PIK3CB: variants seen among roughly 807,000 people sequenced by gnomAD.
PIK3CB encodes the protein phosphatidylinositol-4,5-bisphosphate 3-kinase catalytic subunit beta.
A neutral mutation model predicts 136.8 loss-of-function variants in PIK3CB; 39 were observed. That is an observed-to-expected ratio of 0.29 (90% CI 0.22 to 0.37). The LOEUF (loss-of-function observed/expected upper bound fraction) is 0.37, where lower values mean the gene tolerates loss of function less well. PIK3CB is among the 10% of genes least tolerant of loss of function. The pLI is 1.00. For synonymous variants in PIK3CB, 428 were observed against 436.6 expected, an observed-to-expected ratio of 0.98 and a Z score of 0.25; for missense variants, 868 against 1,275.4, an observed-to-expected ratio of 0.68 and a Z score of 4.87.
intron 1 of PIK3CB, among the ~76,000 whole-genome samples, chr3:138,809,622 A>AG (rs1453591550): frequency 1.3e-4 from 20 of 151,566 alleles, no homozygotes; most frequent in Middle Eastern, 6.8e-3. Flanking sequence ...AAAAAAAAAA[A>AG]AAAGAAAATT....
chr3:138,821,716 G>A (rs1576432872), intron 1 of PIK3CB, among the ~76,000 whole-genome samples: 1 of 151,888 alleles, frequency 6.6e-6, no homozygotes, highest in East Asian at 1.9e-4. Flanking sequence ...ACCTGGGAGG[G>A]AGAGGTTGCA....
chr3:138,830,760 G>A (rs987478684), intron 1 of PIK3CB, among the ~76,000 whole-genome samples: 9 of 149,652 alleles, frequency 6.0e-5, no homozygotes, highest in Admixed American at 6.7e-5. Flanking sequence ...AAATTAGCCG[G>A]GCGTGTTGGC....
At chr3:138,797,483 A>G (rs945843014) in intron 1 of PIK3CB, among the ~76,000 whole-genome samples, 2 of 152,078 alleles carry the variant, frequency 1.3e-5, no homozygotes, top group Non-Finnish European at 2.9e-5. Context: ...ATATATTACA[A>G]TTATTTTTCC....
rs557302211 is a variant in PIK3CB, at chr3:138,667,614, T to G, written c.2505-2411A>C. Among the ~76,000 whole-genome samples the G allele has an allele frequency of 4.6e-5, 7 of 151,384 alleles. No homozygotes were observed. The East Asian group carries it at 1.4e-3, about 30-fold the overall frequency. ...TCTCGCTCTGTCGCCCAGGCTGGAGTGCAGTGGCGCAATCTCGGCTCACTG... is the reference window on the plus strand; with the variant it reads ...TCTCGCTCTGTCGCCCAGGCTGGAGGGCAGTGGCGCAATCTCGGCTCACTG... On this transcript the variant is annotated intron_variant, in intron 19 of 23. Transcript: ENST00000674063.
At position 138,687,296 on chromosome 3, in the gene PIK3CB, C is replaced by T. The variant is rs150027155; in HGVS notation, c.2136+1579G>A. On this transcript the variant is annotated intron_variant, in intron 16 of 23. Coordinates refer to ENST00000674063, the MANE Select transcript of PIK3CB (RefSeq NM_006219.3). Reference sequence around the variant, plus strand: ...TATATCATCCTTTTATTGTCTTTAACATCAAGCTGAGGCTCCCAGAAAATA... The same window carrying T: ...TATATCATCCTTTTATTGTCTTTAATATCAAGCTGAGGCTCCCAGAAAATA... 2.7e-3 allele frequency among the ~76,000 whole-genome samples: 412 copies of T among 150,756 alleles called. 2 individuals carry two copies. The highest frequency in any genetic ancestry group is 4.5e-3 in the Non-Finnish European group (304 of 67,842).
chr3:138,753,097 C>T (rs2045502953), intron 4 of PIK3CB, among the ~76,000 whole-genome samples: 1 of 152,150 alleles, frequency 6.6e-6, no homozygotes, highest in African/African-American at 2.4e-5. Context: ...TGGTGGCTTG[C>T]ACTCAGCTAC....
At chr3:138,732,096 G>A (rs1559847660) in intron 8 of PIK3CB, among the ~76,000 whole-genome samples, 1 of 152,060 alleles carries the variant, frequency 6.6e-6, no homozygotes, top group Non-Finnish European at 1.5e-5. Context: ...GTACAACATT[G>A]ATGTTTTAAT....
chr3:138,700,330 G>C (rs946327817), intron 12 of PIK3CB, among the ~76,000 whole-genome samples: 1 of 152,112 alleles, frequency 6.6e-6, no homozygotes, highest in Non-Finnish European at 1.5e-5. Flanking sequence ...GAAACTCTCC[G>C]GAGAAATGCC....
intron 1 of PIK3CB, among the ~76,000 whole-genome samples, chr3:138,813,052 A>T (rs1933147279): frequency 1.3e-5 from 2 of 152,198 alleles, no homozygotes; most frequent in African/African-American, 4.8e-5. Flanking sequence ...TATTATGGGT[A>T]AAGGATAATG....
intron 1 of PIK3CB, among the ~76,000 whole-genome samples, chr3:138,830,843 G>A (rs1933996323): frequency 6.8e-6 from 1 of 146,576 alleles, no homozygotes; most frequent in South Asian, 2.2e-4. Context: ...CGGAGCTTGC[G>A]GTAAGCCGAG....
At chr3:138,764,799 C>G (rs2045709781) in intron 2 of PIK3CB, among the ~76,000 whole-genome samples, 1 of 152,074 alleles carries the variant, frequency 6.6e-6, no homozygotes, top group Non-Finnish European at 1.5e-5. Context: ...ATTGCCTGAC[C>G]AAATTTTATT....
chr3:138,700,426 T>C (rs538779163), intron 12 of PIK3CB, among the ~76,000 whole-genome samples: 2 of 151,988 alleles, frequency 1.3e-5, no homozygotes, highest in Non-Finnish European at 2.9e-5. Flanking sequence ...CAAAGAATGA[T>C]AGGGACAAAG....
At chr3:138,716,229 C>T (rs1047540113) in intron 8 of PIK3CB, among the ~76,000 whole-genome samples, 1 of 152,168 alleles carries the variant, frequency 6.6e-6, no homozygotes. Context: ...TTCCCTTCAA[C>T]TCCAGAAAAA....
At chr3:138,834,014 C>T (rs1673643221) in intron 1 of PIK3CB, among the ~76,000 whole-genome samples, 1 of 152,204 alleles carries the variant, frequency 6.6e-6, no homozygotes, top group African/African-American at 2.4e-5. Flanking sequence ...GTTACTGCAA[C>T]ACCAGAGCAG....
intron 16 of PIK3CB, among the ~76,000 whole-genome samples, chr3:138,687,256 T>C (rs1272231336): frequency 1.3e-5 from 2 of 150,978 alleles, no homozygotes; most frequent in Non-Finnish European, 2.9e-5. Context: ...GGAGTTAGAA[T>C]AATTTGTTCA....
chr3:138,824,664 G>A (rs1933702597), intron 1 of PIK3CB, among the ~76,000 whole-genome samples: 1 of 151,598 alleles, frequency 6.6e-6, no homozygotes, highest in Admixed American at 6.6e-5. Flanking sequence ...TTGCACTCCA[G>A]CCTGGGCAAC....
Position 138,719,287 on chromosome 3 carries a change from C to T in PIK3CB, c.1051-4568G>A, listed in dbSNP as rs140096674. The stretch of plus-strand genomic sequence containing the variant: ...TTGAGATGAGGTCTCACTCTGTCAC[C>T]CAGGCTGCAGTGCAGTGGCATGATC... On this transcript the variant is annotated intron_variant, in intron 8 of 23. Transcript: ENST00000674063. Among the ~76,000 whole-genome samples the T allele has an allele frequency of 2.7e-3, 349 of 131,496 alleles. 9 individuals are homozygous for T. In the East Asian group the frequency reaches 0.08, roughly 30 times the overall value. 86.3% of individuals were successfully genotyped at this position (131,496 alleles called of 152,430 possible). A position where few individuals can be genotyped will look rare whatever the true frequency, so the allele number is the denominator to read the frequency against.
rs997932569 is a variant in PIK3CB, at chr3:138,813,015, T to C, written c.-121-16448A>G. Among the ~76,000 whole-genome samples, 4 of 152,314 alleles carry C rather than the reference T, an allele frequency of 2.6e-5. No homozygotes were observed. In the South Asian group the frequency reaches 6.2e-4, roughly 24 times the overall value. On this transcript the variant is annotated intron_variant, in intron 1 of 23. Transcript: ENST00000674063. Reference sequence around the variant, plus strand: ...GTTTCGTGGCTGTGGTATCTTTCCATAGTTATGCAAGATGTTACCACTGGA... The same window carrying C: ...GTTTCGTGGCTGTGGTATCTTTCCACAGTTATGCAAGATGTTACCACTGGA...
chr3:138,785,670 C>G (rs2045974286), intron 2 of PIK3CB, among the ~76,000 whole-genome samples: 1 of 152,036 alleles, frequency 6.6e-6, no homozygotes, highest in African/African-American at 2.4e-5. Context: ...CCCAGGGACG[C>G]AAACGCTGCG....
Sources: allele counts gnomAD v4.1 joint callset (sites outside exome capture counted in the v4.1 genomes callset), GRCh38; gene constraint gnomAD v4.1.1; transcripts MANE v1.5; gene names NCBI Gene and HGNC (gene_info 2026-07-23, HGNC 2026-07-21).